FOXO1: variants seen among roughly 807,000 people sequenced by gnomAD.
FOXO1 encodes the protein forkhead box O1.
FOXO1 carries 6 observed loss-of-function variants against 44.1 expected under a neutral mutation model. The observed-to-expected ratio is 0.14, with a 90% CI of 0.07 to 0.27. The LOEUF (loss-of-function observed/expected upper bound fraction) is 0.27. Ranked by LOEUF, FOXO1 falls within the 10% of genes least tolerant of loss-of-function variation. The pLI is 1.00. For missense variants in FOXO1, 737 were observed against 888.8 expected, an observed-to-expected ratio of 0.83 and a Z score of 2.17; for synonymous variants, 380 against 362.7, an observed-to-expected ratio of 1.05 and a Z score of -0.54.
intron 1 of FOXO1, among the ~76,000 whole-genome samples, chr13:40,598,605 T>C (rs1292034654): frequency 2.0e-5 from 3 of 152,234 alleles, no homozygotes; most frequent in Non-Finnish European, 4.4e-5. Flanking sequence ...ACAAGGTCAC[T>C]ACCCACCCAA....
intron 1 of FOXO1, among the ~76,000 whole-genome samples, chr13:40,635,480 TACA>T (rs1324144809): frequency 1.3e-5 from 2 of 152,210 alleles, no homozygotes; most frequent in African/African-American, 4.8e-5. Context: ...AAGCACTGTT[TACA>T]TCACTGAGTC....
intron 1 of FOXO1, among the ~76,000 whole-genome samples, chr13:40,649,415 C>T (rs1420828863): frequency 2.0e-5 from 3 of 152,194 alleles, no homozygotes; most frequent in Non-Finnish European, 2.9e-5. Flanking sequence ...AGTTGTCAAT[C>T]ATGACAGAAT....
At chr13:40,657,790 A>AG (rs1877904270) in intron 1 of FOXO1, among the ~76,000 whole-genome samples, 1 of 152,228 alleles carries the variant, frequency 6.6e-6, no homozygotes, top group Admixed American at 6.5e-5. Flanking sequence ...CCACTCAAAA[A>AG]CACCTAGCAC....
At chr13:40,610,241 A>G (rs1190872394) in intron 1 of FOXO1, among the ~76,000 whole-genome samples, 1 of 152,162 alleles carries the variant, frequency 6.6e-6, no homozygotes, top group African/African-American at 2.4e-5. Context: ...GGGAGAGGAG[A>G]TAACAACCTA....
Position 40,559,918 on chromosome 13 carries a change from G to A in FOXO1, c.1573C>T (p.Pro525Ser), listed in dbSNP as rs1566060553. 1.9e-6 allele frequency: 3 copies of A among 1,614,166 alleles called. No individual in the cohort carries two copies. The highest frequency in any genetic ancestry group is 2.5e-6 in the Non-Finnish European group (3 of 1,180,014). The change falls in exon 2 of 3, where the codon CCT becomes TCT. Residue 525 changes from proline (P) to serine (S), a missense_variant. Physicochemically the swap from Pro to Ser is moderately conservative, Grantham distance 74. Coordinates refer to ENST00000379561, the MANE Select transcript of FOXO1 (RefSeq NM_002015.4). ...GCAGATGTCTGCTGAGCATGTCCAGGGTGGGTATGGGAGCTGGGATTCATC... is the reference window on the plus strand; with the variant it reads ...GCAGATGTCTGCTGAGCATGTCCAGAGTGGGTATGGGAGCTGGGATTCATC... ...KMMNPSSHTH[P>S]GHAQQTSAVN...
At chr13:40,568,820 C>T (rs1410855532) in intron 1 of FOXO1, among the ~76,000 whole-genome samples, 6 of 151,366 alleles carry the variant, frequency 4.0e-5, no homozygotes, top group Admixed American at 6.6e-5. Context: ...CAGAGACTGG[C>T]GGCCTGGTAA....
Position 40,643,025 on chromosome 13 carries a change from T to C in FOXO1, c.630+22558A>G, listed in dbSNP as rs1199116191. ...TTCATTTCAAAATTGTTAATGTTTC[T>C]ATTAAAAGTGTTTGTTACTTAAAAT... On this transcript the variant is annotated intron_variant, in intron 1 of 2. Transcript: ENST00000379561. Among the ~76,000 whole-genome samples, 6 of 152,286 alleles carry C rather than the reference T, an allele frequency of 3.9e-5. 1 individual carries two copies. The highest frequency in any genetic ancestry group is 6.8e-3 in the Middle Eastern group (2 of 294).
At chr13:40,589,272 C>A (rs929866389) in intron 1 of FOXO1, among the ~76,000 whole-genome samples, 2 of 152,124 alleles carry the variant, frequency 1.3e-5, no homozygotes, top group East Asian at 1.9e-4. Flanking sequence ...CAATCCAATT[C>A]TTGCCAATTC....
chr13:40,586,730 G>A (rs1875181019), intron 1 of FOXO1, among the ~76,000 whole-genome samples: 1 of 152,162 alleles, frequency 6.6e-6, no homozygotes, highest in African/African-American at 2.4e-5. Context: ...TTAAGGAAAT[G>A]TTACTACTTA....
chr13:40,655,093 T>C (rs1448302500), intron 1 of FOXO1, among the ~76,000 whole-genome samples: 3 of 152,158 alleles, frequency 2.0e-5, no homozygotes, highest in Non-Finnish European at 4.4e-5. Context: ...CCCAGCACTT[T>C]GGGAGGCCAA....
chr13:40,597,672 A>G (rs900250426), intron 1 of FOXO1, among the ~76,000 whole-genome samples: 4 of 152,100 alleles, frequency 2.6e-5, no homozygotes, highest in Admixed American at 2.6e-4. Flanking sequence ...TCTTCTGCCA[A>G]TTCAGGGCAG....
At chr13:40,610,674 A>T (rs570782933) in intron 1 of FOXO1, among the ~76,000 whole-genome samples, 11 of 152,314 alleles carry the variant, frequency 7.2e-5, no homozygotes, top group Non-Finnish European at 1.3e-4. Flanking sequence ...TTTATTTTAA[A>T]TTTTTTTATT....
At chr13:40,589,559 C>T (rs1449719007) in intron 1 of FOXO1, among the ~76,000 whole-genome samples, 4 of 152,194 alleles carry the variant, frequency 2.6e-5, no homozygotes, top group African/African-American at 4.8e-5. Flanking sequence ...ACTCTATCAG[C>T]ATTTAATTTA....
chr13:40,560,669 T>C lies in FOXO1; in HGVS notation c.822A>G (p.Lys274=), dbSNP rs1414261806. 2.5e-6 allele frequency: 4 copies of C among 1,614,222 alleles called. No individual in the cohort carries two copies. In the Middle Eastern group the frequency reaches 4.9e-4, roughly 200 times the overall value. Residue 274 remains lysine (K), a synonymous_variant, in exon 2 of 3, where the codon AAA becomes AAG. Coordinates refer to ENST00000379561, the MANE Select transcript of FOXO1 (RefSeq NM_002015.4). The surrounding 1 kb of genome is among the most constrained non-coding windows in gnomAD (Gnocchi z 5.1). ...CCTCCTGGCCAGACTGGAGAGATGC[T>C]TTCTTCTTGGCAGCTCGGCTTCGGC... ...AKSRSRAAKK[K]ASLQSGQEGA...
intron 1 of FOXO1, among the ~76,000 whole-genome samples, chr13:40,618,153 A>G (rs1390630260): frequency 6.6e-6 from 1 of 152,062 alleles, no homozygotes; most frequent in Non-Finnish European, 1.5e-5. Context: ...ATCTCAGCTC[A>G]CTGCAACCCC....
chr13:40,637,070 T>C (rs1414707019), intron 1 of FOXO1, among the ~76,000 whole-genome samples: 3 of 152,094 alleles, frequency 2.0e-5, no homozygotes, highest in East Asian at 1.9e-4. Flanking sequence ...TGGAGGAAGG[T>C]TGGATTCAAA....
chr13:40,579,662 G>A (rs1010584176), intron 1 of FOXO1, among the ~76,000 whole-genome samples: 1 of 152,206 alleles, frequency 6.6e-6, no homozygotes, highest in African/African-American at 2.4e-5. Context: ...TCCCAGGCCA[G>A]GAAAACACTC....
intron 1 of FOXO1, among the ~76,000 whole-genome samples, chr13:40,608,340 G>C (rs1478369034): frequency 2.0e-5 from 3 of 152,182 alleles, no homozygotes; most frequent in African/African-American, 7.2e-5. Context: ...AGTCAGGCTT[G>C]CCCTCTTGCA....
At chr13:40,620,586 G>T in intron 1 of FOXO1, 1 of 430,582 alleles carries the variant, frequency 2.3e-6, no homozygotes, top group Non-Finnish European at 4.5e-6. Flanking sequence ...GCATTTACCA[G>T]AGATGCATTG....
Sources: gnomAD v4.1 joint callset for allele counts (sites outside exome capture counted in the v4.1 genomes callset) on GRCh38, gnomAD v4.1.1 for gene constraint, Gnocchi (gnomAD v3.1) non-coding constraint, MANE v1.5 for transcripts, NCBI Gene and HGNC (gene_info 2026-07-23, HGNC 2026-07-21) for gene names.